NRXN3: variants seen among roughly 807,000 people sequenced by gnomAD.
The protein encoded by NRXN3 is neurexin 3, also known as neurexin III.
In NRXN3, 32 loss-of-function variants were observed where a neutral mutation model predicts 137.6. The ratio of observed to expected loss-of-function variants is 0.23; its 90% confidence interval spans 0.18 to 0.31. The LOEUF is 0.31. NRXN3 is among the 10% of genes least tolerant of loss of function. The probability of loss-of-function intolerance (pLI) is 1.00; values close to 1 mark genes in which losing one functional copy is unlikely to be tolerated. For synonymous variants in NRXN3, 798 were observed against 784.5 expected, an observed-to-expected ratio of 1.02 and a Z score of -0.29; for missense variants, 1,574 against 2,062.5, an observed-to-expected ratio of 0.76 and a Z score of 4.59.
At chr14:79,719,380 A>G (rs74063937) in intron 19 of NRXN3, among the ~76,000 whole-genome samples, 1 of 144,948 alleles carries the variant, frequency 6.9e-6, no homozygotes, top group African/African-American at 2.7e-5. Flanking sequence ...GTGTATATAT[A>G]TGTGTGTGTA....
intron 10 of NRXN3, among the ~76,000 whole-genome samples, chr14:78,885,171 TATAA>T (rs749401505): frequency 3.4e-5 from 5 of 148,374 alleles, no homozygotes; most frequent in South Asian, 4.2e-4. Flanking sequence ...ATGTAAAATA[TATAA>T]ATATACATTA....
intron 8 of NRXN3, among the ~76,000 whole-genome samples, chr14:78,791,197 GTTTTAGTTAT>G (rs2098804110): frequency 6.6e-6 from 1 of 152,086 alleles, no homozygotes; most frequent in African/African-American, 2.4e-5. Flanking sequence ...TGAGCTCTAA[GTTTTAGTTAT>G]TTTCTATCTC....
intron 4 of NRXN3, among the ~76,000 whole-genome samples, chr14:78,582,803 A>G (rs2097016165): frequency 6.6e-6 from 1 of 152,224 alleles, no homozygotes; most frequent in Admixed American, 6.5e-5. Context: ...CACACGATAC[A>G]ATGCATGATG....
intron 8 of NRXN3, among the ~76,000 whole-genome samples, chr14:78,739,311 G>A (rs2098554172): frequency 6.6e-6 from 1 of 152,218 alleles, no homozygotes; most frequent in Non-Finnish European, 1.5e-5. Flanking sequence ...ACCACACATA[G>A]CATGTTGGCT....
chr14:79,849,317 G>A (rs1266327407), intron 20 of NRXN3, among the ~76,000 whole-genome samples: 1 of 152,146 alleles, frequency 6.6e-6, no homozygotes, highest in Non-Finnish European at 1.5e-5. Context: ...TGAAAAGGTA[G>A]CCCACAGGTT....
intron 20 of NRXN3, among the ~76,000 whole-genome samples, chr14:79,808,240 TAAA>T (rs35474581): frequency 2.1e-3 from 264 of 124,188 alleles, no homozygotes; most frequent in South Asian, 8.3e-3. Context: ...CTCTCTCAAT[TAAA>T]AAAAAAAAAA....
At chr14:79,019,187 G>A (rs373300378) in intron 15 of NRXN3, among the ~76,000 whole-genome samples, 6 of 152,100 alleles carry the variant, frequency 3.9e-5, no homozygotes, top group South Asian at 2.1e-4. Flanking sequence ...GAGTTTCCTC[G>A]TGATGTTGAT....
chr14:79,682,556 C>G (rs1401954851), intron 17 of NRXN3, among the ~76,000 whole-genome samples: 2 of 152,038 alleles, frequency 1.3e-5, no homozygotes, highest in Non-Finnish European at 2.9e-5. Context: ...TTCTATGCAG[C>G]CAAACAAATA....
intron 4 of NRXN3, among the ~76,000 whole-genome samples, chr14:78,568,481 C>A (rs1426635485): frequency 6.6e-6 from 1 of 152,134 alleles, no homozygotes; most frequent in Non-Finnish European, 1.5e-5. Flanking sequence ...GTTGTAGCCA[C>A]CTGAACAGAT....
chr14:78,251,855 C>T (rs993719076), intron 2 of NRXN3, among the ~76,000 whole-genome samples: 11 of 152,130 alleles, frequency 7.2e-5, no homozygotes, highest in African/African-American at 2.4e-4. Context: ...GTTTAGTTTG[C>T]TGTGGCTCAC....
chr14:79,020,268 C>T (rs1475664380), intron 15 of NRXN3, among the ~76,000 whole-genome samples: 1 of 94,014 alleles, frequency 1.1e-5, no homozygotes, highest in Non-Finnish European at 2.0e-5. Context: ...CCTCCCCTCC[C>T]CTTCCCTTCC....
At chr14:78,604,011 A>G (rs2097223721) in intron 4 of NRXN3, among the ~76,000 whole-genome samples, 1 of 152,172 alleles carries the variant, frequency 6.6e-6, no homozygotes, top group Admixed American at 6.5e-5. Context: ...CCACTTGGCT[A>G]GGGAGGCCTC....
chr14:78,350,221 G>A (rs1440298776), intron 4 of NRXN3, among the ~76,000 whole-genome samples: 1 of 151,958 alleles, frequency 6.6e-6, no homozygotes, highest in African/African-American at 2.4e-5. Flanking sequence ...CCAGGGAGGC[G>A]GAGGTTGCAG....
At position 79,651,294 on chromosome 14, in the gene NRXN3, A is replaced by G. The variant is rs2098474634; in HGVS notation, c.3445-12484A>G. ...GAACAGCTATGGTCACCTGAGAGGTAGTGGTACTCTACATTTTCAAAAGTT... is the reference window on the plus strand; with the variant it reads ...GAACAGCTATGGTCACCTGAGAGGTGGTGGTACTCTACATTTTCAAAAGTT... On this transcript the variant is annotated intron_variant, in intron 16 of 20. Coordinates refer to ENST00000335750, the MANE Select transcript of NRXN3 (RefSeq NM_001330195.2). Among the ~76,000 whole-genome samples the G allele has an allele frequency of 2.0e-5, 3 of 152,182 alleles. No individual in the cohort carries two copies. In the South Asian group the frequency reaches 6.2e-4, roughly 32 times the overall value.
intron 15 of NRXN3, among the ~76,000 whole-genome samples, chr14:79,356,428 G>A (rs1023865731): frequency 6.6e-5 from 10 of 152,080 alleles, no homozygotes; most frequent in African/African-American, 2.4e-4. Flanking sequence ...CCCAGCTCCT[G>A]GTTTAGCCAT....
At chr14:79,775,027 C>T (rs183948284) in intron 19 of NRXN3, among the ~76,000 whole-genome samples, 31 of 151,930 alleles carry the variant, frequency 2.0e-4, no homozygotes, top group Admixed American at 2.0e-4. Flanking sequence ...GGAATGGTGA[C>T]GTAGACACTT....
At chr14:78,674,950 C>T (rs1055617217) in intron 6 of NRXN3, among the ~76,000 whole-genome samples, 4 of 152,106 alleles carry the variant, frequency 2.6e-5, no homozygotes, top group African/African-American at 9.7e-5. Context: ...CAGATGTAGT[C>T]TAAGAATGAT....
At chr14:79,560,504 CTTTTTTTTTTT>C (rs34025659) in intron 16 of NRXN3, among the ~76,000 whole-genome samples, 6 of 43,768 alleles carry the variant, frequency 1.4e-4, no homozygotes, top group East Asian at 1.1e-3. Context: ...AGATTGTAAG[CTTTTTTTTTTT>C]TTTTTTTTTT....
intron 10 of NRXN3, among the ~76,000 whole-genome samples, chr14:78,894,893 A>AG (rs1268029256): frequency 6.6e-6 from 1 of 151,702 alleles, no homozygotes; most frequent in African/African-American, 2.4e-5. Context: ...GAAAAAAAAA[A>AG]AAATCTTTTT....
Sources: gnomAD v4.1 joint callset for allele counts (sites outside exome capture counted in the v4.1 genomes callset) on GRCh38, gnomAD v4.1.1 for gene constraint, MANE v1.5 for transcripts, NCBI Gene and HGNC (gene_info 2026-07-23, HGNC 2026-07-21) for gene names.